SETD1B: variants seen among roughly 807,000 people sequenced by gnomAD.
The protein encoded by SETD1B is histone-lysine N-methyltransferase SETD1B.
SETD1B carries 7 observed loss-of-function variants against 148.0 expected under a neutral mutation model. That is an observed-to-expected ratio of 0.05 (90% CI 0.03 to 0.09). SETD1B has a LOEUF of 0.09. Among genes scored for constraint, SETD1B ranks in the 10% least tolerant of loss-of-function variants. SETD1B has a pLI of 1.00. For missense variants in SETD1B, 2,155 were observed against 2,729.9 expected (o/e 0.79, Z 4.69); for synonymous variants, 1,361 against 1,186.5 (o/e 1.15, Z -3.02).
upstream of SETD1B, chr12:121,803,610 C>G (rs1875523697): frequency 6.6e-6 from 1 of 152,124 alleles, no homozygotes; most frequent in South Asian, 2.1e-4. The surrounding 1 kb of genome is among the most constrained non-coding windows in gnomAD (Gnocchi z 4.7). Flanking sequence ...CCCCCCAGAC[C>G]CCAGCCATCT....
Position 121,822,916 on chromosome 12 carries a change from C to G in SETD1B, c.4337C>G (p.Pro1446Arg), listed in dbSNP as rs1456092153. 6 of 1,509,690 alleles carry G rather than the reference C, an allele frequency of 4.0e-6. No homozygotes were observed. The highest frequency in any genetic ancestry group is 4.4e-6 in the Non-Finnish European group (5 of 1,125,174). 93.5% of individuals were successfully genotyped at this position (1,509,690 alleles called of 1,614,324 possible). Residue 1446 changes from proline to arginine, a missense_variant, in exon 12 of 17, where the codon CCC becomes CGC. Coordinates refer to ENST00000604567, the MANE Select transcript of SETD1B (RefSeq NM_001353345.2). ...GAGCCCAGCGGGCCCTTGCTCCTGC[C>G]CGTCTGCCCACTCCCCACTGGCCGA... The part of the protein sequence containing the change: ...FSEPSGPLLL[P>R]VCPLPTGRRD...
rs1420032279 is a variant in SETD1B at position 121,814,659 on chromosome 12, C to T, written c.2444C>T (p.Pro815Leu). Reference protein sequence around the residue: ...ASAGLQFVNLPPYRGPFSLSN... With the variant: ...ASAGLQFVNLLPYRGPFSLSN... Reference sequence around the variant, plus strand: ...GCTGGGCTCCAGTTTGTCAACCTGCCGCCCTACCGGGGCCCCTTCTCCCTG... The same window carrying T: ...GCTGGGCTCCAGTTTGTCAACCTGCTGCCCTACCGGGGCCCCTTCTCCCTG... Residue 815 changes from proline (P) to leucine (L), a missense_variant, in exon 7 of 17, where the codon CCG (proline) becomes CTG (leucine). Pro to Leu is a moderately conservative substitution (Grantham distance 98). Around this residue, in one of 11 missense-constraint regions of SETD1B, gnomAD observed 289 missense variants for 423.7 expected, o/e 0.68. Coordinates refer to ENST00000604567, the MANE Select transcript of SETD1B (RefSeq NM_001353345.2). 7.1e-6 allele frequency: 11 copies of T among 1,548,982 alleles called. No homozygotes were observed. The highest frequency in any genetic ancestry group is 8.7e-6 in the Non-Finnish European group (10 of 1,146,250).
chr12:121,832,617 T>C lies in SETD1B; in HGVS notation c.*2378T>C. The C allele has an allele frequency of 3.7e-6, 1 of 268,530 alleles. No individual in the cohort carries two copies. Among genetic ancestry groups the C allele is most frequent in the Non-Finnish European group, 7.2e-6 (1 of 139,396 alleles). 16.6% of individuals were successfully genotyped at this position (268,530 alleles called of 1,614,324 possible). ...ATGTACCATTGTATTATAGTAACTTTTATAAAGCAAACCATAAATATACTG... is the reference window on the plus strand; with the variant it reads ...ATGTACCATTGTATTATAGTAACTTCTATAAAGCAAACCATAAATATACTG... On this transcript the variant is annotated 3_prime_UTR_variant, in exon 17 of 17. Transcript: ENST00000604567.
At chr12:121,793,409 C>G in the SETD1B span, 1 of 1,506,816 alleles carries the variant, frequency 6.6e-7, no homozygotes, top group Non-Finnish European at 8.9e-7. Context: ...TGTCCGTGCT[C>G]GGGACGCTGG....
rs1592983932 is a variant in SETD1B at position 121,817,958 on chromosome 12, G to C, written c.3418+54G>C. 1 of 1,463,584 alleles carries C rather than the reference G, an allele frequency of 6.8e-7. No homozygotes were observed. Among genetic ancestry groups the C allele is most frequent in the Non-Finnish European group, 9.1e-7 (1 of 1,099,626 alleles). The allele number at this position is 1,463,584 out of a possible 1,614,324, so 90.7% of individuals were successfully genotyped here. On this transcript the variant is annotated intron_variant, in intron 10 of 16. Transcript: ENST00000604567. This position sits in a 1 kb window ranked among gnomAD's most constrained non-coding sequence, Gnocchi z 8.1. ...CCTCCCGGAGTCCCTCTTTCCCCGG[G>C]GCAGAGCCTGAGCAATTGTCAGAAA...
In SETD1B at chr12:121,823,335, C is replaced by CGG; in HGVS notation, c.4756_4757insGG (p.Leu1586ArgfsTer15). The stretch of plus-strand genomic sequence containing the variant: ...GGGGATCCCAGCCCCTCCACCACCC[C>CGG]TTCCCCCCCAGCCACCCCCACCCCC... On this transcript the variant is annotated frameshift_variant, in exon 12 of 17. Coordinates refer to ENST00000604567, the MANE Select transcript of SETD1B (RefSeq NM_001353345.2). LOFTEE classifies it high-confidence loss of function. The CGG allele has an allele frequency of 1.4e-6, 2 of 1,423,442 alleles. No homozygotes were observed. Among genetic ancestry groups the CGG allele is most frequent in the Non-Finnish European group, 9.6e-7 (1 of 1,043,450 alleles). 88.2% of individuals were successfully genotyped at this position (1,423,442 alleles called of 1,614,324 possible).
rs1566547361 is a variant in SETD1B, at chr12:121,808,194, C to CTGCCCA, written c.545-12_545-7dup. ...GGAACCTCACTGAGTTCCCCCTTTC[C>CTGCCCA]TGCCCATCTACAGGGGAAACCCGAA... is the stretch of plus-strand genomic sequence containing the variant. On this transcript the variant is annotated splice_polypyrimidine_tract_variant and intron_variant, in intron 4 of 16. Coordinates refer to ENST00000604567, the MANE Select transcript of SETD1B (RefSeq NM_001353345.2). The surrounding 1 kb of genome is among the most constrained non-coding windows in gnomAD (Gnocchi z 5.3). 9.7e-6 allele frequency: 15 copies of CTGCCCA among 1,544,114 alleles called. No homozygotes were observed. In the Middle Eastern group the frequency reaches 8.5e-4, roughly 87 times the overall value.
the SETD1B span, among the ~76,000 whole-genome samples, chr12:121,794,558 T>C: frequency 2.1e-4 from 32 of 151,932 alleles, no homozygotes; most frequent in Admixed American, 1.3e-4. Context: ...TGTAAGAAAA[T>C]GCGTTTCCTT....
At chr12:121,820,539 T>A (rs1019580208) in intron 11 of SETD1B, among the ~76,000 whole-genome samples, 12 of 152,172 alleles carry the variant, frequency 7.9e-5, no homozygotes. Context: ...TTATTTTTAT[T>A]TTTATTTTTT....
the SETD1B span, chr12:121,797,129 CAGACGACCTGAGATGGT>C: frequency 3.6e-6 from 1 of 277,260 alleles, no homozygotes; most frequent in South Asian, 3.1e-5. Context: ...TGCACTGGGC[CAGACGACCTGAGATGGT>C]GGTGCCACCT....
At position 121,819,198 on chromosome 12, in the gene SETD1B, C is replaced by T. The variant is rs181957159; in HGVS notation, c.3419-206C>T. ...AGTGGAGGTTGCAGTGAGCCGAGAT[C>T]GTGCCACTGCACTCCAGTCTGGGCA... On this transcript the variant is annotated intron_variant, in intron 10 of 16. Coordinates refer to ENST00000604567, the MANE Select transcript of SETD1B (RefSeq NM_001353345.2). Among the ~76,000 whole-genome samples, 9 of 152,212 alleles carry T rather than the reference C, an allele frequency of 5.9e-5. No individual in the cohort carries two copies. In the East Asian group the frequency reaches 7.7e-4, roughly 13 times the overall value.
chr12:121,792,493 C>T, the SETD1B span, among the ~76,000 whole-genome samples: 1 of 152,366 alleles, frequency 6.6e-6, no homozygotes, highest in African/African-American at 2.4e-5. Context: ...GGGGCCCCTG[C>T]CCCCAGTGCT....
At chr12:121,793,617 GC>G in the SETD1B span, 1 of 1,545,106 alleles carries the variant, frequency 6.5e-7, no homozygotes. Flanking sequence ...CTGGGCCAGG[GC>G]CCCGGGGGCA....
intron 5 of SETD1B, 107 bp from the exon 6 acceptor site, chr12:121,809,496 A>G (rs1279754534): frequency 1.2e-5 from 15 of 1,204,606 alleles, no homozygotes; most frequent in Non-Finnish European, 1.7e-5. Flanking sequence ...CTGCAGTTCT[A>G]GAGCAGTTTG....
chr12:121,814,078 T>G, intron 6 of SETD1B, 28 bp from the exon 7 acceptor site: 1 of 1,531,944 alleles, frequency 6.5e-7, no homozygotes, highest in Non-Finnish European at 8.8e-7. Flanking sequence ...CAGACTCACC[T>G]CACTGTCTCT....
chr12:121,813,340 T>C (rs1876132038), intron 6 of SETD1B, among the ~76,000 whole-genome samples: 1 of 152,236 alleles, frequency 6.6e-6, no homozygotes, highest in South Asian at 2.1e-4. Flanking sequence ...CACTTCCTGT[T>C]TATGGGCCTT....
intron 16 of SETD1B, among the ~76,000 whole-genome samples, chr12:121,828,352 G>A (rs1876941919): frequency 6.6e-6 from 1 of 152,260 alleles, no homozygotes; most frequent in Non-Finnish European, 1.5e-5. Context: ...TAATTTCGGA[G>A]TTATTTCTCT....
chr12:121,820,333 G>C (rs1876509001), intron 11 of SETD1B, among the ~76,000 whole-genome samples: 1 of 152,236 alleles, frequency 6.6e-6, no homozygotes, highest in African/African-American at 2.4e-5. Context: ...AACTCTAACT[G>C]CATGGCCAGT....
Position 121,817,164 on chromosome 12 carries a change from G to C in SETD1B, c.2847G>C (p.Leu949=). 2.6e-6 allele frequency: 4 copies of C among 1,549,512 alleles called. No homozygotes were observed. Among genetic ancestry groups the C allele is most frequent in the Non-Finnish European group, 3.5e-6 (4 of 1,146,914 alleles). ...GEGLGYEGLG[L]GIGLRGAIRL... is the part of the protein sequence containing the mutation. ...GCCTGGGCTACGAGGGCCTGGGCCT[G>C]GGCATTGGGCTGCGTGGGGCCATTC... is the stretch of plus-strand genomic sequence containing the variant. Residue 949 remains leucine, a synonymous_variant, in exon 8 of 17, where the codon CTG becomes CTC. Coordinates refer to ENST00000604567, the MANE Select transcript of SETD1B (RefSeq NM_001353345.2). The surrounding 1 kb of genome is among the most constrained non-coding windows in gnomAD (Gnocchi z 8.1).
Sources: allele counts gnomAD v4.1 joint callset (sites outside exome capture counted in the v4.1 genomes callset), GRCh38; gene constraint gnomAD v4.1.1; regional missense constraint gnomAD v4.1.1; non-coding constraint Gnocchi (gnomAD v3.1); transcripts MANE v1.5; gene names NCBI Gene and HGNC (gene_info 2026-07-23, HGNC 2026-07-21).